Variants in ARF3 observed in about 807,000 individuals in gnomAD.
The protein encoded by ARF3 is ARF GTPase 3.
ARF3 carries 5 observed loss-of-function variants against 19.3 expected under a neutral mutation model. The observed-to-expected ratio is 0.26, with a 90% CI of 0.14 to 0.54. The LOEUF (loss-of-function observed/expected upper bound fraction) is 0.54. Among genes scored for constraint, ARF3 ranks in the 20% least tolerant of loss-of-function variants. ARF3 has a pLI of 0.95. For synonymous variants in ARF3, 71 were observed against 89.2 expected, an observed-to-expected ratio of 0.80 and a Z score of 1.15; for missense variants, 77 against 234.2, an observed-to-expected ratio of 0.33 and a Z score of 4.38.
rs1940216293 is a variant in ARF3 at position 48,939,688 on chromosome 12, C to G, written c.351G>C (p.Arg117=). 1.2e-6 allele frequency: 2 copies of G among 1,614,146 alleles called. No homozygotes were observed. The highest frequency in any genetic ancestry group is 1.7e-4 in the Middle Eastern group (1 of 6,060). The change falls in exon 4 of 5, where the codon CGG becomes CGC. Residue 117 remains arginine, a synonymous_variant. Transcript: ENST00000256682. The surrounding 1 kb of genome is among the most constrained non-coding windows in gnomAD (Gnocchi z 4.8). ...TTGCAAAGACAAGGAGTACAGCATC[C>G]CGGAGCTCGTCCTCCGCCAGCATTC... The part of the protein sequence containing the change: ...LMRMLAEDEL[R]DAVLLVFANK...
chr12:48,941,265 T>A lies in ARF3; in HGVS notation c.-93-77A>T, dbSNP rs867337489. 3.1e-5 allele frequency: 24 copies of A among 762,082 alleles called. No homozygotes were observed. The African/African-American group carries it at 3.4e-4, about 11-fold the overall frequency. The allele number at this position is 762,082 out of a possible 1,614,324, so 47.2% of individuals were successfully genotyped here. On this transcript the variant is annotated intron_variant, in intron 1 of 4. Coordinates refer to ENST00000256682, the MANE Select transcript of ARF3 (RefSeq NM_001659.3). Reference sequence around the variant, plus strand: ...AAGTAAATAGAATTTCCCAAGGTCATGGCTAGAGTTCATTCATGACAAACG... The same window carrying A: ...AAGTAAATAGAATTTCCCAAGGTCAAGGCTAGAGTTCATTCATGACAAACG...
At chr12:48,940,481 A>G in intron 2 of ARF3, among the ~76,000 whole-genome samples, 1 of 152,188 alleles carries the variant, frequency 6.6e-6, no homozygotes, top group East Asian at 1.9e-4. Context: ...GGCAGAGTGA[A>G]GAAAGGGAAG....
rs1278795681 is a variant in ARF3 at position 48,938,203 on chromosome 12, A to C, written c.*744T>G. On this transcript the variant is annotated 3_prime_UTR_variant, in exon 5 of 5. Transcript: ENST00000256682. ...TCCTCCAGCCCTAAGAAGGGTGGAG[A>C]GAAGAGTACAAGGAAAATGGTGGTG... 2.8e-6 allele frequency: 1 copy of C among 352,488 alleles called. No individual in the cohort carries two copies. The highest frequency in any genetic ancestry group is 3.7e-5 in the Admixed American group (1 of 27,252). 21.8% of individuals were successfully genotyped at this position (352,488 alleles called of 1,614,324 possible).
chr12:48,950,896 C>G, intron 1 of ARF3, among the ~76,000 whole-genome samples: 1 of 152,106 alleles, frequency 6.6e-6, no homozygotes, highest in African/African-American at 2.4e-5. Flanking sequence ...ACCGATTCTC[C>G]TGCCTCAGCC....
chr12:48,941,344 T>G (rs553928810), intron 1 of ARF3, among the ~76,000 whole-genome samples, 156 bp from the exon 2 acceptor site: 1 of 152,292 alleles, frequency 6.6e-6, no homozygotes, highest in African/African-American at 2.4e-5. Flanking sequence ...ATACTGAGTC[T>G]TTGGGAACAG....
chr12:48,936,826 C>G lies in ARF3; in HGVS notation c.*2121G>C, dbSNP rs1312783409. 6.6e-6 allele frequency: 1 copy of G among 152,078 alleles called. No homozygotes were observed. The allele number at this position is 152,078 out of a possible 1,614,324, so 9.4% of individuals were successfully genotyped here. Reference sequence around the variant, plus strand: ...TACATGGAAAAGGGCAAATGAGCAACAGCAGTGAATGAGTTGAGATTGAAA... The same window carrying G: ...TACATGGAAAAGGGCAAATGAGCAAGAGCAGTGAATGAGTTGAGATTGAAA... On this transcript the variant is annotated 3_prime_UTR_variant, in exon 5 of 5. Transcript: ENST00000256682.
At chr12:48,943,561 G>A (rs372971781) in intron 1 of ARF3, among the ~76,000 whole-genome samples, 244 of 152,272 alleles carry the variant, frequency 1.6e-3, no homozygotes, top group Non-Finnish European at 2.1e-3. Flanking sequence ...ACAAGCTAAC[G>A]CATGGGGGTT....
At chr12:48,941,757 TA>T (rs2137579716) in intron 1 of ARF3, among the ~76,000 whole-genome samples, 1 of 152,328 alleles carries the variant, frequency 6.6e-6, no homozygotes, top group Admixed American at 6.5e-5. Flanking sequence ...AAAGGAGGAA[TA>T]AGAAAGCCGC....
chr12:48,957,406 T>G lies in ARF3; in HGVS notation c.-190A>C, dbSNP rs533829202. On this transcript the variant is annotated 5_prime_UTR_variant, in exon 1 of 5. Coordinates refer to ENST00000256682, the MANE Select transcript of ARF3 (RefSeq NM_001659.3). ...CTCCCCAAGCCGACTTCAGCCCGGC[T>G]GCTGCCCTGGCCCACTCCCCGGCTC... The G allele has an allele frequency of 7.1e-5, 11 of 154,286 alleles. No homozygotes were observed. Among genetic ancestry groups the G allele is most frequent in the African/African-American group, 2.6e-4 (11 of 41,586 alleles). The allele number at this position is 154,286 out of a possible 1,614,324, so 9.6% of individuals were successfully genotyped here.
In ARF3 at chr12:48,938,884, G is replaced by C; in HGVS notation, c.*63C>G. The C allele has an allele frequency of 6.3e-7, 1 of 1,575,884 alleles. No homozygotes were observed. The highest frequency in any genetic ancestry group is 1.2e-5 in the South Asian group (1 of 84,282). On this transcript the variant is annotated 3_prime_UTR_variant, in exon 5 of 5. Transcript: ENST00000256682. ...TGCATGGAGAGGAAGGGGTAGGACTGGGGCAGGGTGACAGTAGGTATGTCA... is the reference window on the plus strand; with the variant it reads ...TGCATGGAGAGGAAGGGGTAGGACTCGGGCAGGGTGACAGTAGGTATGTCA...
At chr12:48,942,306 C>G (rs1220190588) in intron 1 of ARF3, among the ~76,000 whole-genome samples, 1 of 151,342 alleles carries the variant, frequency 6.6e-6, no homozygotes, top group Non-Finnish European at 1.5e-5. Context: ...GTCCCAAACT[C>G]CTGGGTTCAA....
chr12:48,951,056 G>A (rs1023462020), intron 1 of ARF3, among the ~76,000 whole-genome samples: 4 of 152,084 alleles, frequency 2.6e-5, no homozygotes, highest in Non-Finnish European at 5.9e-5. Context: ...CAAAGTGCTG[G>A]GATTACAGGC....
chr12:48,947,410 G>A (rs1010482379), intron 1 of ARF3, among the ~76,000 whole-genome samples: 1 of 151,050 alleles, frequency 6.6e-6, no homozygotes, highest in South Asian at 2.1e-4. Context: ...AAGTTCAAGC[G>A]ATTCTCCTGC....
In ARF3 at chr12:48,940,007, C is replaced by T; in HGVS notation, c.249G>A (p.Gln83=). The part of the protein sequence containing the change: ...KIRPLWRHYF[Q]NTQGLIFVVD... Reference sequence around the variant, plus strand: ...TAGGCCTGAGCATACCTTGGGTGTTCTGGAAGTAGTGTCTCCAGAGGGGTC... The same window carrying T: ...TAGGCCTGAGCATACCTTGGGTGTTTTGGAAGTAGTGTCTCCAGAGGGGTC... The change falls in exon 3 of 5, where the codon CAG becomes CAA. Residue 83 remains glutamine (Q), a synonymous_variant. Transcript: ENST00000256682. The T allele has an allele frequency of 6.2e-7, 1 of 1,614,128 alleles. No homozygotes were observed. The highest frequency in any genetic ancestry group is 1.3e-5 in the African/African-American group (1 of 75,040).
intron 1 of ARF3, among the ~76,000 whole-genome samples, chr12:48,948,881 G>C (rs1351622167): frequency 2.0e-5 from 3 of 152,136 alleles, no homozygotes; most frequent in Admixed American, 1.3e-4. Flanking sequence ...GATCATGAAG[G>C]GCTTTAAAGG....
chr12:48,948,973 A>G (rs1940413386), intron 1 of ARF3, among the ~76,000 whole-genome samples: 1 of 152,220 alleles, frequency 6.6e-6, no homozygotes, highest in African/African-American at 2.4e-5. Flanking sequence ...AGGCACAGAC[A>G]CTGCTTAGGA....
intron 1 of ARF3, among the ~76,000 whole-genome samples, chr12:48,943,358 C>A (rs1218455431): frequency 6.6e-6 from 1 of 152,126 alleles, no homozygotes; most frequent in Non-Finnish European, 1.5e-5. Context: ...CAAACCAGTT[C>A]TCTGTGCCTG....
At position 48,938,674 on chromosome 12, in the gene ARF3, A is replaced by G. The variant is rs529247730; in HGVS notation, c.*273T>C. ...CCTCCCGAAACCCAGAGGGTGAGAG[A>G]GAGAGGGGCCACCCCATGAAACCGT... On this transcript the variant is annotated 3_prime_UTR_variant, in exon 5 of 5. Coordinates refer to ENST00000256682, the MANE Select transcript of ARF3 (RefSeq NM_001659.3). The G allele has an allele frequency of 5.6e-4, 265 of 469,248 alleles. 2 individuals are homozygous for G. The highest frequency in any genetic ancestry group is 4.9e-3 in the South Asian group (246 of 50,466). The allele number at this position is 469,248 out of a possible 1,614,324, so 29.1% of individuals were successfully genotyped here.
chr12:48,956,162 A>C (rs1211991561), intron 1 of ARF3: 6 of 152,248 alleles, frequency 3.9e-5, no homozygotes, highest in East Asian at 3.8e-4. Flanking sequence ...TGACCCAAGC[A>C]ATCAGACTCT....
Sources: gnomAD v4.1 joint callset for allele counts (sites outside exome capture counted in the v4.1 genomes callset) on GRCh38, gnomAD v4.1.1 for gene constraint, Gnocchi (gnomAD v3.1) non-coding constraint, MANE v1.5 for transcripts, NCBI Gene and HGNC (gene_info 2026-07-23, HGNC 2026-07-21) for gene names.